The following AEBP2 variants were observed in gnomAD, a reference collection of about 807,000 sequenced individuals.
AEBP2 encodes the protein zinc finger protein AEBP2.
Under a neutral mutation model 50.8 loss-of-function variants are expected in AEBP2, and 10 were observed. That is an observed-to-expected ratio of 0.20 (90% CI 0.12 to 0.33). The LOEUF (loss-of-function observed/expected upper bound fraction) is 0.33, where lower values mean the gene tolerates loss of function less well. Ranked by LOEUF, AEBP2 falls within the 10% of genes least tolerant of loss-of-function variation. The probability of loss-of-function intolerance (pLI) is 1.00; values close to 1 mark genes in which losing one functional copy is unlikely to be tolerated. For missense variants in AEBP2, 570 were observed against 688.0 expected, an observed-to-expected ratio of 0.83 and a Z score of 1.92; for synonymous variants, 296 against 261.3, an observed-to-expected ratio of 1.13 and a Z score of -1.28.
chr12:19,475,369 A>C (rs535752155), intron 3 of AEBP2, among the ~76,000 whole-genome samples: 2 of 151,892 alleles, frequency 1.3e-5, no homozygotes, highest in East Asian at 1.9e-4. Context: ...ATGGTCTCCA[A>C]CTCCATCCAG....
intron 5 of AEBP2, among the ~76,000 whole-genome samples, chr12:19,502,820 G>A (rs969645947): frequency 6.6e-6 from 1 of 151,938 alleles, no homozygotes; most frequent in African/African-American, 2.4e-5. Context: ...GGCTAATCTT[G>A]TATTTTTAGT....
chr12:19,508,985 A>G, intron 5 of AEBP2: 1 of 524,534 alleles, frequency 1.9e-6, no homozygotes, highest in Non-Finnish European at 3.7e-6. Flanking sequence ...GACCCTTGGT[A>G]ATAGAGTTGT....
At chr12:19,510,830 G>T in intron 5 of AEBP2, among the ~76,000 whole-genome samples, 1 of 144,032 alleles carries the variant, frequency 6.9e-6, no homozygotes, top group African/African-American at 2.6e-5. Context: ...AATTTTTACT[G>T]TAATTCTGCA....
At position 19,471,053 on chromosome 12, in the gene AEBP2, C is replaced by A. The variant is rs150819782; in HGVS notation, c.880-2195C>A. Among the ~76,000 whole-genome samples, 372 of 147,380 alleles carry A rather than the reference C, an allele frequency of 2.5e-3. 1 individual carries two copies. The highest frequency in any genetic ancestry group is 8.5e-3 in the African/African-American group (351 of 41,190). ...TATGATTTCTGAGAGAATTTTAAAC[C>A]AACCCCTGATTCCTCCTCTTTGTTA... On this transcript the variant is annotated intron_variant, in intron 2 of 7. Transcript: ENST00000266508.
chr12:19,521,094 C>A lies in AEBP2; in HGVS notation c.*2977C>A, dbSNP rs143452695. 4 of 152,248 alleles carry A rather than the reference C, an allele frequency of 2.6e-5. No individual in the cohort carries two copies. The highest frequency in any genetic ancestry group is 9.6e-5 in the African/African-American group (4 of 41,564). The allele number at this position is 152,248 out of a possible 1,614,324, so 9.4% of individuals were successfully genotyped here. ...TGAAAAAAATCAAAAATCTGAAATA[C>A]TTCTGGTCCCAAGCATTTCGGATAA... On this transcript the variant is annotated 3_prime_UTR_variant, in exon 8 of 8. Coordinates refer to ENST00000266508, the MANE Select transcript of AEBP2 (RefSeq NM_153207.5).
chr12:19,415,726 C>T (rs1454503425), intron 1 of AEBP2, among the ~76,000 whole-genome samples: 1 of 150,546 alleles, frequency 6.6e-6, no homozygotes, highest in African/African-American at 2.4e-5. Flanking sequence ...CCTCCAGAGG[C>T]TCTCTTTGCC....
At chr12:19,515,161 A>G (rs1205214833) in intron 7 of AEBP2, among the ~76,000 whole-genome samples, 1 of 150,398 alleles carries the variant, frequency 6.6e-6, no homozygotes, top group Non-Finnish European at 1.5e-5. Context: ...GATTTTTTTT[A>G]GCTTACCCTT....
intron 3 of AEBP2, among the ~76,000 whole-genome samples, chr12:19,487,993 A>G (rs191788620): frequency 1.1e-4 from 16 of 152,300 alleles, no homozygotes; most frequent in Admixed American, 1.0e-3. Context: ...TGCATTGCAG[A>G]GCCTTGCACA....
At position 19,518,371 on chromosome 12, in the gene AEBP2, A is replaced by G. The variant is rs1949349697; in HGVS notation, c.*254A>G. 3 of 1,232,252 alleles carry G rather than the reference A, an allele frequency of 2.4e-6. No homozygotes were observed. The highest frequency in any genetic ancestry group is 6.2e-5 in the South Asian group (2 of 32,188). The allele number at this position is 1,232,252 out of a possible 1,614,324, so 76.3% of individuals were successfully genotyped here. A position where few individuals can be genotyped will look rare whatever the true frequency, so the allele number is the denominator to read the frequency against. On this transcript the variant is annotated 3_prime_UTR_variant, in exon 8 of 8. Coordinates refer to ENST00000266508, the MANE Select transcript of AEBP2 (RefSeq NM_153207.5). Reference sequence around the variant, plus strand: ...GGAATGGTACTGTGGGAGACTGAGCAAACACTCTTTTGGCAACTTAGTAGA... The same window carrying G: ...GGAATGGTACTGTGGGAGACTGAGCGAACACTCTTTTGGCAACTTAGTAGA...
intron 5 of AEBP2, among the ~76,000 whole-genome samples, chr12:19,501,797 GTTTTTTT>G (rs754195220): frequency 2.8e-5 from 2 of 70,870 alleles, no homozygotes; most frequent in East Asian, 4.9e-4. Context: ...AAATGAGTTT[GTTTTTTT>G]TTTTTTTTTT....
At chr12:19,465,852 C>T (rs1400213487) in intron 2 of AEBP2, among the ~76,000 whole-genome samples, 1 of 143,470 alleles carries the variant, frequency 7.0e-6, no homozygotes, top group Non-Finnish European at 1.5e-5. Flanking sequence ...AGTGCAGTGG[C>T]ACGACCTCAG....
chr12:19,471,041 A>G (rs1440614831), intron 2 of AEBP2, among the ~76,000 whole-genome samples: 1 of 147,472 alleles, frequency 6.8e-6, no homozygotes, highest in African/African-American at 2.4e-5. Flanking sequence ...GATTTCTGAG[A>G]GAATTTTAAA....
chr12:19,505,119 C>T (rs938922894), intron 5 of AEBP2, among the ~76,000 whole-genome samples: 3 of 152,178 alleles, frequency 2.0e-5, no homozygotes, highest in African/African-American at 7.2e-5. Context: ...GTTAATATGG[C>T]TGCTCTGGGG....
intron 1 of AEBP2, chr12:19,446,186 A>G (rs1948061786): frequency 6.6e-6 from 1 of 152,166 alleles, no homozygotes; most frequent in African/African-American, 2.4e-5. Context: ...GGTCTTAAAT[A>G]CTAAGACCCA....
intron 1 of AEBP2, chr12:19,456,941 G>A: frequency 2.0e-6 from 3 of 1,486,548 alleles, no homozygotes; most frequent in Non-Finnish European, 9.4e-7. Context: ...ATGTAGTCCA[G>A]AGCCTCAAGC....
chr12:19,504,842 A>G (rs568017839), intron 5 of AEBP2, among the ~76,000 whole-genome samples: 4 of 152,336 alleles, frequency 2.6e-5, no homozygotes, highest in Admixed American at 6.5e-5. Context: ...CTCAAGTTTT[A>G]GAATATTTAA....
Position 19,462,766 on chromosome 12 carries a change from T to C in AEBP2, c.879+49T>C, listed in dbSNP as rs754715635. On this transcript the variant is annotated intron_variant, in intron 2 of 7. Transcript: ENST00000266508. Reference sequence around the variant, plus strand: ...TCGCTCCCTGTTTTCGTTAGTTTTATTAATTTATAATTGCTAGTTAGGCTT... The same window carrying C: ...TCGCTCCCTGTTTTCGTTAGTTTTACTAATTTATAATTGCTAGTTAGGCTT... 32 of 1,515,884 alleles carry C rather than the reference T, an allele frequency of 2.1e-5. No individual in the cohort carries two copies. In the African/African-American group the frequency reaches 4.3e-4, roughly 20 times the overall value. The allele number at this position is 1,515,884 out of a possible 1,614,324, so 93.9% of individuals were successfully genotyped here. A position where few individuals can be genotyped will look rare whatever the true frequency, so the allele number is the denominator to read the frequency against.
chr12:19,467,541 G>T (rs935011452), intron 2 of AEBP2, among the ~76,000 whole-genome samples: 17 of 151,992 alleles, frequency 1.1e-4, no homozygotes, highest in Admixed American at 1.0e-3. Context: ...TGATCCACCC[G>T]CCTCTGGCTC....
chr12:19,511,304 C>T (rs1949229165), intron 5 of AEBP2, among the ~76,000 whole-genome samples: 2 of 152,182 alleles, frequency 1.3e-5, no homozygotes, highest in Non-Finnish European at 1.5e-5. Flanking sequence ...TGCTGGTGCA[C>T]AGAAAGCCCC....
Sources: allele counts gnomAD v4.1 joint callset (sites outside exome capture counted in the v4.1 genomes callset), GRCh38; gene constraint gnomAD v4.1.1; transcripts MANE v1.5; gene names NCBI Gene and HGNC (gene_info 2026-07-23, HGNC 2026-07-21).